The following CCDC148 variants were observed in gnomAD, a reference collection of about 807,000 sequenced individuals.
CCDC148 encodes coiled-coil domain-containing protein 148.
A neutral mutation model predicts 85.7 loss-of-function variants in CCDC148; 89 were observed. That is an observed-to-expected ratio of 1.04 (90% confidence interval 0.87 to 1.24). The LOEUF (loss-of-function observed/expected upper bound fraction) is 1.24, where lower values mean the gene tolerates loss of function less well. Among genes scored for constraint, CCDC148 ranks in the 50% most tolerant of loss-of-function variants. The probability of loss-of-function intolerance (pLI) is 0.00; values close to 1 mark genes in which losing one functional copy is unlikely to be tolerated. For missense variants in CCDC148, 692 were observed against 671.7 expected (o/e 1.03, Z -0.33); for synonymous variants, 230 against 213.9 (o/e 1.08, Z -0.66).
At chr2:158,289,775 T>C (rs933496768) in intron 9 of CCDC148, among the ~76,000 whole-genome samples, 1 of 152,186 alleles carries the variant, frequency 6.6e-6, no homozygotes, top group Non-Finnish European at 1.5e-5. Flanking sequence ...TATTGCAACA[T>C]TGTTTCTAAT....
chr2:158,427,558 C>T (rs1687132984), intron 1 of CCDC148, among the ~76,000 whole-genome samples: 1 of 151,968 alleles, frequency 6.6e-6, no homozygotes, highest in Admixed American at 6.6e-5. Context: ...ATTGCATATG[C>T]TGAGATACTA....
chr2:158,179,807 G>A (rs1454715786), intron 11 of CCDC148, among the ~76,000 whole-genome samples: 1 of 152,182 alleles, frequency 6.6e-6, no homozygotes, highest in Admixed American at 6.5e-5. Flanking sequence ...AGGTGCGTAT[G>A]TGTGTTAAGC....
intron 11 of CCDC148, among the ~76,000 whole-genome samples, chr2:158,213,265 G>A (rs1343404312): frequency 6.6e-6 from 1 of 152,124 alleles, no homozygotes; most frequent in Non-Finnish European, 1.5e-5. Flanking sequence ...ATATCTAGAG[G>A]AACTCCTTAG....
At chr2:158,227,753 T>C (rs958899477) in intron 10 of CCDC148, among the ~76,000 whole-genome samples, 12 of 152,188 alleles carry the variant, frequency 7.9e-5, no homozygotes, top group African/African-American at 2.9e-4. Context: ...TGGCTAGCCA[T>C]ATATAGAAAG....
At chr2:158,286,482 G>C (rs1208224057) in intron 9 of CCDC148, among the ~76,000 whole-genome samples, 2 of 152,036 alleles carry the variant, frequency 1.3e-5, no homozygotes, top group African/African-American at 4.8e-5. Flanking sequence ...CCCTCAATAG[G>C]ACTTCTTTTT....
chr2:158,278,483 C>G (rs13414044), intron 9 of CCDC148, among the ~76,000 whole-genome samples: 1 of 152,186 alleles, frequency 6.6e-6, no homozygotes, highest in Non-Finnish European at 1.5e-5. Flanking sequence ...TATCCTGCAC[C>G]TGGCTGGGAG....
Position 158,360,840 on chromosome 2 carries a change from G to A in CCDC148, c.26-2270C>T, listed in dbSNP as rs543380338. On this transcript the variant is annotated intron_variant, in intron 1 of 13. Coordinates refer to ENST00000283233, the MANE Select transcript of CCDC148 (RefSeq NM_138803.4). ...GGAAAATCAATTTGACGAACTGACA[G>A]AAGTAGGCTTCAGAAGGTGGGTAAT... is the stretch of plus-strand genomic sequence containing the variant. Among the ~76,000 whole-genome samples, 7 of 152,102 alleles carry A rather than the reference G, an allele frequency of 4.6e-5. No homozygotes were observed. In the East Asian group the frequency reaches 1.4e-3, roughly 30 times the overall value.
chr2:158,430,420 T>G (rs1343529266), intron 1 of CCDC148, among the ~76,000 whole-genome samples: 1 of 152,148 alleles, frequency 6.6e-6, no homozygotes, highest in Non-Finnish European at 1.5e-5. Flanking sequence ...CAACATCCTG[T>G]ATCCACTCAA....
intron 1 of CCDC148, among the ~76,000 whole-genome samples, chr2:158,374,410 C>G (rs542556017): frequency 2.0e-5 from 3 of 152,066 alleles, no homozygotes; most frequent in South Asian, 4.2e-4. Context: ...AGTTTTACCT[C>G]CAACATATAT....
intron 11 of CCDC148, among the ~76,000 whole-genome samples, chr2:158,199,446 T>C (rs1053656123): frequency 5.3e-5 from 8 of 152,106 alleles, no homozygotes; most frequent in African/African-American, 1.9e-4. Flanking sequence ...GGTTTCACCA[T>C]GTTGGCCAGG....
chr2:158,264,153 C>CA (rs922207521), intron 9 of CCDC148, among the ~76,000 whole-genome samples: 1 of 151,660 alleles, frequency 6.6e-6, no homozygotes, highest in African/African-American at 2.4e-5. Flanking sequence ...AAAGTGATTA[C>CA]AGAGTATGAT....
chr2:158,246,996 T>A (rs1241012186), intron 10 of CCDC148, among the ~76,000 whole-genome samples: 1 of 152,176 alleles, frequency 6.6e-6, no homozygotes, highest in Non-Finnish European at 1.5e-5. Flanking sequence ...GCATAATTCA[T>A]AAGAAACAGT....
intron 13 of CCDC148, among the ~76,000 whole-genome samples, chr2:158,175,305 C>T (rs1161403581): frequency 6.7e-6 from 1 of 148,386 alleles, no homozygotes. Context: ...GTAATTAATC[C>T]TTCTCCCTAT....
intron 10 of CCDC148, among the ~76,000 whole-genome samples, chr2:158,222,604 T>A (rs191761411): frequency 2.6e-5 from 4 of 152,286 alleles, no homozygotes; most frequent in African/African-American, 9.6e-5. Context: ...TGAAATTCTT[T>A]TGAGTGAAGG....
At chr2:158,390,103 C>T (rs1685243723) in intron 1 of CCDC148, among the ~76,000 whole-genome samples, 1 of 152,126 alleles carries the variant, frequency 6.6e-6, no homozygotes, top group South Asian at 2.1e-4. Flanking sequence ...CTTAGGACTA[C>T]AGTAGATATA....
intron 9 of CCDC148, among the ~76,000 whole-genome samples, chr2:158,268,164 T>C (rs963444942): frequency 2.0e-5 from 3 of 152,166 alleles, no homozygotes; most frequent in Non-Finnish European, 4.4e-5. Context: ...TGCCAAACTG[T>C]TTTTCCAAAA....
Position 158,402,721 on chromosome 2 carries a change from G to A in CCDC148, c.26-44151C>T, listed in dbSNP as rs112251438. Among the ~76,000 whole-genome samples the A allele has an allele frequency of 5.4e-3, 817 of 152,216 alleles. 4 individuals carry two copies. Among genetic ancestry groups the A allele is most frequent in the Middle Eastern group, 0.027 (8 of 294 alleles). ...AGACTTTTAAAAGTTGTAGAAAAAT[G>A]TAACTCAAAGGAATATTCTCTGCCA... On this transcript the variant is annotated intron_variant, in intron 1 of 13. Transcript: ENST00000283233.
At chr2:158,362,088 C>T (rs1683976971) in intron 1 of CCDC148, among the ~76,000 whole-genome samples, 1 of 150,508 alleles carries the variant, frequency 6.6e-6, no homozygotes, top group Admixed American at 6.6e-5. Context: ...AAGGTCATTA[C>T]ATAATGCTAA....
At chr2:158,321,544 C>G (rs1692519658) in intron 7 of CCDC148, among the ~76,000 whole-genome samples, 1 of 152,160 alleles carries the variant, frequency 6.6e-6, no homozygotes, top group East Asian at 1.9e-4. Context: ...AGTTCATTCT[C>G]AGAGAAAAAT....
Sources: allele counts gnomAD v4.1 joint callset (sites outside exome capture counted in the v4.1 genomes callset), GRCh38; gene constraint gnomAD v4.1.1; transcripts MANE v1.5; gene names NCBI Gene and HGNC (gene_info 2026-07-23, HGNC 2026-07-21).